The following ANK1 variants were observed in gnomAD, a reference collection of about 807,000 sequenced individuals.
ANK1 encodes ankyrin 1.
A neutral mutation model predicts 210.4 loss-of-function variants in ANK1; 51 were observed. The ratio of observed to expected loss-of-function variants is 0.24; its 90% confidence interval spans 0.19 to 0.31. The LOEUF is 0.31. Among genes scored for constraint, ANK1 ranks in the 10% least tolerant of loss-of-function variants. ANK1 has a pLI of 1.00. For missense variants in ANK1, 2,051 were observed against 2,504.4 expected (o/e 0.82, Z 3.86); for synonymous variants, 967 against 1,025.9 (o/e 0.94, Z 1.10).
intron 42 of ANK1, among the ~76,000 whole-genome samples, chr8:41,657,603 C>G (rs1256182159): frequency 1.3e-5 from 2 of 152,220 alleles, no homozygotes; most frequent in Admixed American, 6.5e-5. Context: ...AAGAGACCAT[C>G]ATGGAATATG....
intron 1 of ANK1, among the ~76,000 whole-genome samples, chr8:41,820,038 A>G (rs993799016): frequency 6.6e-6 from 1 of 152,254 alleles, no homozygotes; most frequent in Non-Finnish European, 1.5e-5. Flanking sequence ...AGACACAGGC[A>G]GGAAAACAAT....
intron 9 of ANK1, among the ~76,000 whole-genome samples, chr8:41,721,656 C>CAAAAAAAAAA (rs55653901): frequency 1.0e-3 from 112 of 108,102 alleles, no homozygotes; most frequent in Middle Eastern, 4.5e-3. Context: ...GACTTCATCT[C>CAAAAAAAAAA]AAAAAAAAAA....
Position 41,769,797 on chromosome 8 carries a change from G to C in ANK1, c.28-11660C>G, listed in dbSNP as rs138570530. ...CTCCTGCCGGCCAGTCCACATCCTT[G>C]TCAAGACTTGGTATGATCTGTCTTA... On this transcript the variant is annotated intron_variant, in intron 1 of 42. Coordinates refer to ENST00000289734, the MANE Select transcript of ANK1 (RefSeq NM_000037.4). 5.5e-3 allele frequency among the ~76,000 whole-genome samples: 835 copies of C among 151,948 alleles called. 8 individuals are homozygous for C. The highest frequency in any genetic ancestry group is 7.7e-3 in the Non-Finnish European group (526 of 67,982).
At chr8:41,733,649 G>A (rs542480489) in intron 3 of ANK1, among the ~76,000 whole-genome samples, 2 of 152,180 alleles carry the variant, frequency 1.3e-5, no homozygotes, top group South Asian at 2.1e-4. Context: ...GCTGGGATTC[G>A]ACTCCAGGCA....
At chr8:41,795,037 G>A (rs1419718490) in intron 1 of ANK1, among the ~76,000 whole-genome samples, 1 of 152,116 alleles carries the variant, frequency 6.6e-6, no homozygotes, top group African/African-American at 2.4e-5. Context: ...GAGGACAAAG[G>A]TTTTTAGTCA....
intron 1 of ANK1, among the ~76,000 whole-genome samples, chr8:41,884,277 G>A (rs547532097): frequency 6.6e-6 from 1 of 152,236 alleles, no homozygotes; most frequent in African/African-American, 2.4e-5. Flanking sequence ...GAACCTGGGA[G>A]GCAGAGGTTT....
At chr8:41,789,171 T>C (rs2150757995) in intron 1 of ANK1, 1 of 152,374 alleles carries the variant, frequency 6.6e-6, no homozygotes, top group African/African-American at 2.4e-5. Flanking sequence ...CAAGAGACTG[T>C]GTGATTTACT....
At chr8:41,790,445 C>T (rs192906645) in intron 1 of ANK1, among the ~76,000 whole-genome samples, 1 of 152,270 alleles carries the variant, frequency 6.6e-6, no homozygotes, top group Admixed American at 6.5e-5. Flanking sequence ...CCACACCCGG[C>T]CTGGGAAGGA....
At chr8:41,764,625 C>T (rs1841328699) in intron 1 of ANK1, among the ~76,000 whole-genome samples, 1 of 152,194 alleles carries the variant, frequency 6.6e-6, no homozygotes. Flanking sequence ...GAGGTGCTGG[C>T]ACCTCTGTTG....
At chr8:41,738,667 A>G (rs774456419) in intron 2 of ANK1, among the ~76,000 whole-genome samples, 2 of 152,242 alleles carry the variant, frequency 1.3e-5, no homozygotes, top group Non-Finnish European at 2.9e-5. Flanking sequence ...ATGGACAGAG[A>G]TGAACTGTAA....
At chr8:41,832,172 G>T (rs1315236464) in intron 1 of ANK1, among the ~76,000 whole-genome samples, 1 of 152,198 alleles carries the variant, frequency 6.6e-6, no homozygotes, top group African/African-American at 2.4e-5. Context: ...CATGTGAATT[G>T]TTAAAATAAA....
intron 33 of ANK1, 46 bp downstream of exon 33, chr8:41,690,181 A>G (rs1818874360): frequency 6.2e-7 from 1 of 1,613,598 alleles, no homozygotes; most frequent in Non-Finnish European, 8.5e-7. Flanking sequence ...GACCTCCTAC[A>G]GGGAAGCCGT....
intron 15 of ANK1, among the ~76,000 whole-genome samples, chr8:41,714,636 A>G (rs1827112192): frequency 6.6e-6 from 1 of 152,140 alleles, no homozygotes; most frequent in Admixed American, 6.5e-5. Flanking sequence ...TGAAGAGGGA[A>G]GATCACCTGA....
In ANK1 at chr8:41,654,659, G is replaced by A. The variant is rs1291321572; in HGVS notation, c.*1131C>T. ...CCTGCAGCCGCAGAAGTCCTCAGGA[G>A]CTGCGCTGTCAGGCTCTGTACGTAC... On this transcript the variant is annotated 3_prime_UTR_variant, in exon 43 of 43. Coordinates refer to ENST00000289734, the MANE Select transcript of ANK1 (RefSeq NM_000037.4). The A allele has an allele frequency of 6.5e-6, 1 of 152,710 alleles. No homozygotes were observed. The highest frequency in any genetic ancestry group is 1.5e-5 in the Non-Finnish European group (1 of 68,058). 9.5% of individuals were successfully genotyped at this position (152,710 alleles called of 1,614,324 possible).
chr8:41,828,482 T>G (rs1449035948), intron 1 of ANK1: 2 of 154,326 alleles, frequency 1.3e-5, no homozygotes, highest in Non-Finnish European at 2.9e-5. Context: ...GCCGCCAGCC[T>G]CTGTGTCCTG....
At chr8:41,689,236 G>A (rs1312299450) in intron 33 of ANK1, among the ~76,000 whole-genome samples, 6 of 151,840 alleles carry the variant, frequency 4.0e-5, no homozygotes, top group Non-Finnish European at 5.9e-5. Flanking sequence ...TGATCCTTCT[G>A]CCTCAGCCTC....
chr8:41,722,733 G>A lies in ANK1; in HGVS notation c.909+392C>T, dbSNP rs553853811. On this transcript the variant is annotated intron_variant, in intron 9 of 42. Coordinates refer to ENST00000289734, the MANE Select transcript of ANK1 (RefSeq NM_000037.4). Reference sequence around the variant, plus strand: ...GGATTGATCTAGAGCAGTAGTAGGCGAACTACACAACCTGTGAGTCAAATC... The same window carrying A: ...GGATTGATCTAGAGCAGTAGTAGGCAAACTACACAACCTGTGAGTCAAATC... Among the ~76,000 whole-genome samples the A allele has an allele frequency of 9.7e-4, 147 of 152,322 alleles. 2 individuals carry two copies. The highest frequency in any genetic ancestry group is 2.6e-3 in the African/African-American group (108 of 41,564).
intron 1 of ANK1, among the ~76,000 whole-genome samples, chr8:41,824,254 C>T (rs1165776375): frequency 3.3e-5 from 5 of 152,138 alleles, no homozygotes; most frequent in African/African-American, 9.7e-5. Flanking sequence ...TGTGAGCCAG[C>T]GTGCCCAGCC....
intron 1 of ANK1, among the ~76,000 whole-genome samples, chr8:41,895,888 G>T (rs894999479): frequency 3.3e-5 from 5 of 151,720 alleles, no homozygotes; most frequent in African/African-American, 7.3e-5. Context: ...CTAGGGAGAA[G>T]CCGGGCAGAG....
Sources: allele counts gnomAD v4.1 joint callset (sites outside exome capture counted in the v4.1 genomes callset), GRCh38; gene constraint gnomAD v4.1.1; transcripts MANE v1.5; gene names NCBI Gene and HGNC (gene_info 2026-07-23, HGNC 2026-07-21).